MTMR8: variants seen among roughly 807,000 people sequenced by gnomAD.
MTMR8 encodes myotubularin related protein 8, also known as phosphatidylinositol-3,5-bisphosphate 3-phosphatase MTMR8.
MTMR8 carries 65 observed loss-of-function variants against 39.3 expected under a neutral mutation model. That is an observed-to-expected ratio of 1.65 (90% CI 1.35 to 2.03). The LOEUF (loss-of-function observed/expected upper bound fraction) is 2.03, where lower values mean the gene tolerates loss of function less well. MTMR8 is among the 30% of genes most tolerant of loss of function. MTMR8 has a pLI of 0.00. For synonymous variants in MTMR8, 245 were observed against 185.2 expected (o/e 1.32, Z -2.62); for missense variants, 777 against 538.9 (o/e 1.44, Z -4.37).
intron 1 of MTMR8, among the ~76,000 whole-genome samples, chrX:64,386,932 G>A (rs1924575778): frequency 9.1e-6 from 1 of 110,378 alleles, no homozygotes; most frequent in African/African-American, 3.3e-5. Flanking sequence ...ATGCTCCTGT[G>A]GTCCCAGCCA....
chrX:64,281,521 C>A (rs1932013404), intron 12 of MTMR8, among the ~76,000 whole-genome samples: 1 of 111,662 alleles, frequency 9.0e-6, no homozygotes, highest in Non-Finnish European at 1.9e-5. Context: ...AAACTGGACC[C>A]CTTCCTTATA....
rs773904665 is a variant in MTMR8, at chrX:64,336,099, C to T, written c.1131G>A (p.Met377Ile). 2.5e-6 allele frequency: 3 copies of T among 1,191,402 alleles called. No individual in the cohort carries two copies. In the South Asian group the frequency reaches 5.6e-5, roughly 22 times the overall value. ...TTTACCTTTGGGAAAACTTGTGGCC[C>T]ATGGATATCCATTCCTTCTCTATCA... Reference protein sequence around the residue: ...MILIEKEWISMGHKFSQRCGH... With the variant: ...MILIEKEWISIGHKFSQRCGH... Residue 377 changes from methionine to isoleucine, a missense_variant, in exon 10 of 14, where the codon ATG becomes ATA. By Grantham distance (10) the Met-to-Ile change is conservative (BLOSUM62 1). Coordinates refer to ENST00000374852, the MANE Select transcript of MTMR8 (RefSeq NM_017677.4).
chrX:64,389,114 G>A (rs1309957453), intron 1 of MTMR8, among the ~76,000 whole-genome samples: 1 of 111,662 alleles, frequency 9.0e-6, no homozygotes, highest in Non-Finnish European at 1.9e-5. Flanking sequence ...ATTGTTGCAA[G>A]GGTTAAATTA....
At chrX:64,364,841 C>T (rs780453885) in intron 1 of MTMR8, among the ~76,000 whole-genome samples, 2 of 111,348 alleles carry the variant, frequency 1.8e-5, no homozygotes, top group East Asian at 2.8e-4. Flanking sequence ...TCGAACCCAT[C>T]GCAAGAAAGC....
chrX:64,328,591 T>G (rs1268730928), intron 12 of MTMR8, among the ~76,000 whole-genome samples, 181 bp downstream of exon 12: 1 of 111,760 alleles, frequency 8.9e-6, no homozygotes, highest in Non-Finnish European at 1.9e-5. Context: ...AGCAAAGCCC[T>G]GAAAACCAAA....
chrX:64,370,968 C>T (rs1457451775), intron 1 of MTMR8, among the ~76,000 whole-genome samples: 1 of 111,378 alleles, frequency 9.0e-6, no homozygotes, highest in East Asian at 2.8e-4. Flanking sequence ...TCCTGGGCAA[C>T]ATAGCAAGAA....
At chrX:64,290,396 T>G in intron 12 of MTMR8, among the ~76,000 whole-genome samples, 1 of 110,642 alleles carries the variant, frequency 9.0e-6, no homozygotes, top group Non-Finnish European at 1.9e-5. Context: ...CTTATAACAT[T>G]TATTACCATC....
Position 64,303,160 on chromosome X carries a change from G to A in MTMR8, c.1481+25612C>T, listed in dbSNP as rs1008836506. ...AGTATCTTTGACAGCACTTTGTATT[G>A]TAACCATTTTTTTTTATTTTAGCCA... On this transcript the variant is annotated intron_variant, in intron 12 of 13. Transcript: ENST00000374852. 3.6e-5 allele frequency among the ~76,000 whole-genome samples: 4 copies of A among 111,223 alleles called. No homozygotes were observed. In the Admixed American group the frequency reaches 3.8e-4, roughly 11 times the overall value.
At chrX:64,354,064 A>G (rs1923553642) in intron 4 of MTMR8, among the ~76,000 whole-genome samples, 1 of 109,997 alleles carries the variant, frequency 9.1e-6, no homozygotes, top group South Asian at 4.0e-4. Context: ...CAAAGCATAG[A>G]AAGACAAATA....
At chrX:64,351,623 C>T (rs1923489225) in intron 4 of MTMR8, among the ~76,000 whole-genome samples, 1 of 111,462 alleles carries the variant, frequency 9.0e-6, no homozygotes, top group African/African-American at 3.3e-5. Context: ...GTGGATCATT[C>T]CGAGTCCCAA....
rs1344119560 is a variant in MTMR8, at chrX:64,269,023, C to T, written c.1629G>A (p.Glu543=). 2.5e-6 allele frequency: 3 copies of T among 1,209,487 alleles called. No homozygotes were observed. The highest frequency in any genetic ancestry group is 3.4e-6 in the Non-Finnish European group (3 of 894,321). Residue 543 remains glutamate (E), a synonymous_variant, in exon 14 of 14, where the codon GAG becomes GAA. Transcript: ENST00000374852. ...ELEKKLKVRD[E]PPEEICTCSQ... Reference sequence around the variant, plus strand: ...AGCAGGTACAGATCTCTTCTGGTGGCTCATCACGGACTTTTAGTTTCTGCC... The same window carrying T: ...AGCAGGTACAGATCTCTTCTGGTGGTTCATCACGGACTTTTAGTTTCTGCC...
At chrX:64,291,254 C>A (rs868642962) in intron 12 of MTMR8, among the ~76,000 whole-genome samples, 1 of 110,737 alleles carries the variant, frequency 9.0e-6, no homozygotes, top group East Asian at 2.8e-4. Flanking sequence ...CCCTTTAGAG[C>A]CTGCCTGTCT....
Position 64,354,932 on chromosome X carries a change from A to G in MTMR8, c.313T>C (p.Leu105=), listed in dbSNP as rs774577580. 1.7e-6 allele frequency: 2 copies of G among 1,189,585 alleles called. No homozygotes were observed. The highest frequency in any genetic ancestry group is 2.3e-6 in the Non-Finnish European group (2 of 884,474). ...GAAAAAGCATAAAGATCTTCAGGTA[A>G]TGCTGGAGAAGAGAGATAGGCATGG... ...ISLLKLSQPA[L]PEDLYAFSYN... The change falls in exon 4 of 14, where the codon TTA becomes CTA. Residue 105 remains leucine (L), a splice_region_variant and synonymous_variant. Transcript: ENST00000374852.
Position 64,336,064 on chromosome X carries a change from T to C in MTMR8, c.1151+15A>G. On this transcript the variant is annotated intron_variant, in intron 10 of 13. Transcript: ENST00000374852. ...CTATCCTCAGCCCCTTCCTTCAAAATGAGTATATTTTTACCTTTGGGAAAA... is the reference window on the plus strand; with the variant it reads ...CTATCCTCAGCCCCTTCCTTCAAAACGAGTATATTTTTACCTTTGGGAAAA... 1 of 1,173,472 alleles carries C rather than the reference T, an allele frequency of 8.5e-7. No individual in the cohort carries two copies. Among genetic ancestry groups the C allele is most frequent in the Non-Finnish European group, 1.2e-6 (1 of 867,595 alleles).
At chrX:64,372,752 C>T (rs971562355) in intron 1 of MTMR8, among the ~76,000 whole-genome samples, 2 of 111,390 alleles carry the variant, frequency 1.8e-5, no homozygotes, top group African/African-American at 6.6e-5. Context: ...TGGGTAGTTT[C>T]CAGTTTGGGG....
At chrX:64,393,436 A>G (rs902572946) in intron 1 of MTMR8, among the ~76,000 whole-genome samples, 7 of 111,964 alleles carry the variant, frequency 6.3e-5, no homozygotes, top group Non-Finnish European at 1.1e-4. Flanking sequence ...TATAGCTTCA[A>G]TCCCTAACAG....
intron 12 of MTMR8, among the ~76,000 whole-genome samples, chrX:64,327,926 C>G (rs1344321550): frequency 1.8e-5 from 2 of 112,019 alleles, no homozygotes; most frequent in African/African-American, 6.5e-5. Flanking sequence ...AATAAGCCAG[C>G]CACACAAAGG....
intron 1 of MTMR8, among the ~76,000 whole-genome samples, chrX:64,388,040 C>T (rs1924607064): frequency 9.0e-6 from 1 of 111,212 alleles, no homozygotes; most frequent in Non-Finnish European, 1.9e-5. Flanking sequence ...AACCATAATC[C>T]ACGTTTATCT....
intron 4 of MTMR8, among the ~76,000 whole-genome samples, chrX:64,354,550 C>T: frequency 8.9e-6 from 1 of 111,829 alleles, no homozygotes; most frequent in Non-Finnish European, 1.9e-5. Flanking sequence ...GATTTTCATG[C>T]CCTGCACCTA....
Sources: allele counts gnomAD v4.1 joint callset (sites outside exome capture counted in the v4.1 genomes callset), GRCh38; gene constraint gnomAD v4.1.1; transcripts MANE v1.5; gene names NCBI Gene and HGNC (gene_info 2026-07-23, HGNC 2026-07-21).